Variants in PTMA observed in about 807,000 individuals in gnomAD.
PTMA encodes gene sequence 28.
A neutral mutation model predicts 16.9 loss-of-function variants in PTMA; 4 were observed. The observed-to-expected ratio is 0.24, with a 90% CI of 0.12 to 0.54. PTMA has a LOEUF of 0.54. PTMA is among the 20% of genes least tolerant of loss of function. The probability of loss-of-function intolerance (pLI) is 0.95; values close to 1 mark genes in which losing one functional copy is unlikely to be tolerated. For missense variants in PTMA, 120 were observed against 137.7 expected (o/e 0.87, Z 0.64); for synonymous variants, 58 against 47.9 (o/e 1.21, Z -0.87).
rs1159268438 is a variant in PTMA at position 231,710,283 on chromosome 2, CCG to C, written c.46-1064_46-1063del. ...CGCGTGCCACTGCAAGCTCTGCCTG[CCG>C]GCCGGGAGTCTCCAAGGCAAGGGAC... On this transcript the variant is annotated intron_variant, in intron 1 of 4. Transcript: ENST00000409115. The C allele has an allele frequency of 7.0e-6, 9 of 1,292,768 alleles. No homozygotes were observed. The Admixed American group carries it at 1.4e-4, about 20-fold the overall frequency. The allele number at this position is 1,292,768 out of a possible 1,614,324, so 80.1% of individuals were successfully genotyped here.
At chr2:231,712,158 G>C (rs1047519011) in intron 3 of PTMA, among the ~76,000 whole-genome samples, 175 bp downstream of exon 3, 20 of 152,172 alleles carry the variant, frequency 1.3e-4, no homozygotes, top group African/African-American at 4.8e-4. Context: ...CTGACATGGA[G>C]TTGTGCCCAT....
intron 1 of PTMA, among the ~76,000 whole-genome samples, chr2:231,709,002 C>A (rs917363801): frequency 2.2e-4 from 33 of 152,154 alleles, no homozygotes; most frequent in African/African-American, 8.0e-4. Context: ...GGGCTAGGCG[C>A]GGAGGCCGGC....
Position 231,708,764 on chromosome 2 carries a change from GCCGCCCGCC to G in PTMA, c.45+16_45+24del. 6.2e-7 allele frequency: 1 copy of G among 1,601,024 alleles called. No individual in the cohort carries two copies. The highest frequency in any genetic ancestry group is 8.5e-7 in the Non-Finnish European group (1 of 1,179,024). On this transcript the variant is annotated intron_variant, in intron 1 of 4. Transcript: ENST00000409115. Reference sequence around the variant, plus strand: ...AATCACCACCAAGGTGAGGCTGGACGCCGCCCGCCCCCTCGGGGTCCGCGCGCCGCCGCT... The same window carrying G: ...AATCACCACCAAGGTGAGGCTGGACGCCCTCGGGGTCCGCGCGCCGCCGCT...
At chr2:231,710,303 C>A in intron 1 of PTMA, 1 of 1,258,790 alleles carries the variant, frequency 7.9e-7, no homozygotes, top group Non-Finnish European at 1.0e-6. Flanking sequence ...GTCTCCAAGG[C>A]AAGGGACGCA....
Position 231,711,872 on chromosome 2 carries a change from C to T in PTMA, c.118-18C>T, listed in dbSNP as rs772790471. The T allele has an allele frequency of 1.2e-6, 2 of 1,612,134 alleles. No homozygotes were observed. Among genetic ancestry groups the T allele is most frequent in the South Asian group, 1.1e-5 (1 of 90,920 alleles). On this transcript the variant is annotated intron_variant, in intron 2 of 4. Transcript: ENST00000409115. ...TGGGGCCAGCTGGTAATGACATGGCCTGTTTTCTGTCGAGGAGAATGAGGA... is the reference window on the plus strand; with the variant it reads ...TGGGGCCAGCTGGTAATGACATGGCTTGTTTTCTGTCGAGGAGAATGAGGA...
intron 2 of PTMA, 92 bp from the exon 3 acceptor site, chr2:231,711,798 C>A: frequency 1.3e-6 from 2 of 1,560,172 alleles, no homozygotes; most frequent in African/African-American, 1.4e-5. Flanking sequence ...GATGCAGCCG[C>A]CAGCCTCTGG....
At chr2:231,710,143 C>A (rs1275794604) in intron 1 of PTMA, 7 of 1,256,650 alleles carry the variant, frequency 5.6e-6, no homozygotes, top group Non-Finnish European at 7.1e-6. Context: ...GCCCGGTGGA[C>A]TTTGGGGCGA....
rs917363801 is a variant in PTMA, at chr2:231,709,002, C to T, written c.45+251C>T. On this transcript the variant is annotated intron_variant, in intron 1 of 4. Transcript: ENST00000409115. ...GCCCTCGGGGGCCGAGGGCTAGGCG[C>T]GGAGGCCGGCTCACGGCCCTCGAAA... Among the ~76,000 whole-genome samples, 13 of 152,262 alleles carry T rather than the reference C, an allele frequency of 8.5e-5. No homozygotes were observed. In the South Asian group the frequency reaches 1.4e-3, roughly 17 times the overall value.
At chr2:231,708,772 C>G (rs577676818) in intron 1 of PTMA, 21 bp downstream of exon 1, 1 of 1,599,740 alleles carries the variant, frequency 6.3e-7, no homozygotes, top group Non-Finnish European at 8.5e-7. Context: ...ACGCCGCCCG[C>G]CCCCTCGGGG....
Position 231,708,698 on chromosome 2 carries a change from T to A in PTMA, c.-9T>A, listed in dbSNP as rs1384401383. On this transcript the variant is annotated 5_prime_UTR_variant, in exon 1 of 5. Coordinates refer to ENST00000409115, the MANE Select transcript of PTMA (RefSeq NM_002823.5). The stretch of plus-strand genomic sequence containing the variant: ...AATCCCCTGCATCGGATCACCGGCG[T>A]GCCCCACCATGTCAGACGCAGCCGT... 1.2e-6 allele frequency: 2 copies of A among 1,602,546 alleles called. No individual in the cohort carries two copies. The highest frequency in any genetic ancestry group is 1.7e-6 in the Non-Finnish European group (2 of 1,179,604).
rs2048524204 is a variant in PTMA at position 231,711,986 on chromosome 2, G to A, written c.211+3G>A. The A allele has an allele frequency of 4.5e-6, 7 of 1,563,152 alleles. No homozygotes were observed. The highest frequency in any genetic ancestry group is 2.3e-5 in the South Asian group (2 of 85,260). The stretch of plus-strand genomic sequence containing the variant: ...GGAGGAGGAAGAAGAAGGTGATGGT[G>A]AGTAGCCTTGTCTATCTTCCCCTTT... On this transcript the variant is annotated splice_donor_region_variant and intron_variant, in intron 3 of 4. Transcript: ENST00000409115.
intron 1 of PTMA, chr2:231,710,123 G>GCGC: frequency 8.0e-7 from 1 of 1,246,114 alleles, no homozygotes. Flanking sequence ...GACAGTCTCG[G>GCGC]ACCTACGCAG....
At chr2:231,710,599 C>T (rs918509579) in intron 1 of PTMA, 1 of 496,244 alleles carries the variant, frequency 2.0e-6, no homozygotes, top group Admixed American at 2.4e-5. Flanking sequence ...GTATTGGTGG[C>T]CGTGTCGTGT....
intron 1 of PTMA, among the ~76,000 whole-genome samples, chr2:231,709,335 C>T (rs1407610120): frequency 6.6e-5 from 10 of 151,770 alleles, no homozygotes; most frequent in East Asian, 5.9e-4. Context: ...TCGGCCGTCC[C>T]GGCGGAGGTG....
rs777564345 is a variant in PTMA at position 231,712,894 on chromosome 2, C to G, written c.*43C>G. ...GTTAAACTAAAAAAAAAAAGGCCGCCGTGACCTATTCACCCTCCACTTCCC... is the reference window on the plus strand; with the variant it reads ...GTTAAACTAAAAAAAAAAAGGCCGCGGTGACCTATTCACCCTCCACTTCCC... On this transcript the variant is annotated 3_prime_UTR_variant, in exon 5 of 5. Transcript: ENST00000409115. The G allele has an allele frequency of 2.0e-6, 3 of 1,512,514 alleles. No individual in the cohort carries two copies. The highest frequency in any genetic ancestry group is 2.7e-6 in the Non-Finnish European group (3 of 1,120,844). The allele number at this position is 1,512,514 out of a possible 1,614,324, so 93.7% of individuals were successfully genotyped here.
chr2:231,710,048 C>G (rs1050326196), intron 1 of PTMA: 3 of 1,222,630 alleles, frequency 2.5e-6, no homozygotes, highest in Non-Finnish European at 3.1e-6. Context: ...GTTCGATTTT[C>G]TCCGAAGCAC....
Position 231,708,762 on chromosome 2 carries a change from A to G in PTMA, c.45+11A>G, listed in dbSNP as rs757666339. The G allele has an allele frequency of 2.7e-5, 44 of 1,600,998 alleles. No individual in the cohort carries two copies. Among genetic ancestry groups the G allele is most frequent in the Non-Finnish European group, 3.7e-5 (44 of 1,179,082 alleles). On this transcript the variant is annotated intron_variant, in intron 1 of 4. Transcript: ENST00000409115. ...GAAATCACCACCAAGGTGAGGCTGGACGCCGCCCGCCCCCTCGGGGTCCGC... is the reference window on the plus strand; with the variant it reads ...GAAATCACCACCAAGGTGAGGCTGGGCGCCGCCCGCCCCCTCGGGGTCCGC...
At chr2:231,709,842 GA>G in intron 1 of PTMA, 1 of 226,574 alleles carries the variant, frequency 4.4e-6, no homozygotes, top group Non-Finnish European at 8.5e-6. Flanking sequence ...CCCCTGCAGG[GA>G]TTGGCGCGAG....
rs1272685086 is a variant in PTMA, at chr2:231,713,300, A to G, written c.*449A>G. 1 of 499,814 alleles carries G rather than the reference A, an allele frequency of 2.0e-6. No homozygotes were observed. Among genetic ancestry groups the G allele is most frequent in the Non-Finnish European group, 4.0e-6 (1 of 249,304 alleles). The allele number at this position is 499,814 out of a possible 1,614,324, so 31.0% of individuals were successfully genotyped here. ...AAACCTTGTAAAAAAAGCAAAAATG[A>G]CAACAGAAAAACAATCTTATTCCGA... On this transcript the variant is annotated 3_prime_UTR_variant, in exon 5 of 5. Coordinates refer to ENST00000409115, the MANE Select transcript of PTMA (RefSeq NM_002823.5).
Sources: allele counts gnomAD v4.1 joint callset (sites outside exome capture counted in the v4.1 genomes callset), GRCh38; gene constraint gnomAD v4.1.1; transcripts MANE v1.5; gene names NCBI Gene and HGNC (gene_info 2026-07-23, HGNC 2026-07-21).